Variants in PRRX2 observed in about 807,000 individuals in gnomAD.
PRRX2 encodes paired mesoderm homeobox protein 2.
In PRRX2, 11 loss-of-function variants were observed where a neutral mutation model predicts 18.0. The ratio of observed to expected loss-of-function variants is 0.61; its 90% CI spans 0.39 to 1.01. The LOEUF is 1.01. Ranked by LOEUF, PRRX2 falls within the 50% of genes least tolerant of loss-of-function variation. The pLI is 0.01. For synonymous variants in PRRX2, 177 were observed against 154.8 expected, an observed-to-expected ratio of 1.14 and a Z score of -1.06; for missense variants, 387 against 351.0, an observed-to-expected ratio of 1.10 and a Z score of -0.82.
In PRRX2 at chr9:129,722,505, C is replaced by T; in HGVS notation, c.*153C>T. ...GCCCACGAGGCTGTTGAGGCCCCTG[C>T]AGCCGGGCCCAGCTCTTCTGTCCTT... On this transcript the variant is annotated 3_prime_UTR_variant, in exon 4 of 4. Transcript: ENST00000372469. 1.3e-6 allele frequency: 1 copy of T among 772,876 alleles called. No homozygotes were observed. The highest frequency in any genetic ancestry group is 1.8e-5 in the African/African-American group (1 of 55,112). 47.9% of individuals were successfully genotyped at this position (772,876 alleles called of 1,614,324 possible).
chr9:129,705,479 C>A (rs62584062), intron 1 of PRRX2, among the ~76,000 whole-genome samples: 2 of 152,120 alleles, frequency 1.3e-5, no homozygotes, highest in Admixed American at 6.5e-5. Context: ...CTCAGCCTCC[C>A]GGGTAGCTGG....
chr9:129,717,442 A>G (rs915653765), intron 1 of PRRX2, among the ~76,000 whole-genome samples: 3 of 48,436 alleles, frequency 6.2e-5, no homozygotes, highest in African/African-American at 2.7e-4. Context: ...CACACCTGTA[A>G]TCCCAGCACT....
At position 129,695,170 on chromosome 9, in the gene PRRX2, A is replaced by G. The variant is rs576702219; in HGVS notation, c.260-24061A>G. On this transcript the variant is annotated intron_variant, in intron 1 of 3. Transcript: ENST00000372469. This position sits in a 1 kb window ranked among gnomAD's most constrained non-coding sequence, Gnocchi z 4.8. ...CCTCATGAAGATCCAGGGTCATTCT[A>G]GAAGTTCTAGGAGGATTATTCCCTT... is the stretch of plus-strand genomic sequence containing the variant. Among the ~76,000 whole-genome samples the G allele has an allele frequency of 3.9e-5, 6 of 152,264 alleles. No homozygotes were observed. In the South Asian group the frequency reaches 8.3e-4, roughly 21 times the overall value.
chr9:129,689,005 GGT>G (rs1292958467), intron 1 of PRRX2, among the ~76,000 whole-genome samples: 3 of 152,240 alleles, frequency 2.0e-5, no homozygotes, highest in African/African-American at 7.2e-5. Flanking sequence ...ACAGAAAAGA[GGT>G]GAAGTGTGCA....
rs1444175254 is a variant in PRRX2, at chr9:129,722,209, G to GC, written c.627-3dup. On this transcript the variant is annotated splice_polypyrimidine_tract_variant and splice_region_variant and intron_variant, in intron 3 of 3. Transcript: ENST00000372469. ...ACCCATGTGACCTGTGTCTCATGTC[G>GC]CCCCCAGCACAGTGCCACCCTACAG... 12 of 1,611,322 alleles carry GC rather than the reference G, an allele frequency of 7.4e-6. No homozygotes were observed. Among genetic ancestry groups the GC allele is most frequent in the African/African-American group, 1.3e-5 (1 of 74,922 alleles).
At chr9:129,717,399 A>C (rs1832722693) in intron 1 of PRRX2, among the ~76,000 whole-genome samples, 1 of 151,918 alleles carries the variant, frequency 6.6e-6, no homozygotes, top group East Asian at 1.9e-4. Context: ...GTAATCTTAG[A>C]AAATGTGGGC....
At chr9:129,717,809 T>TA (rs1832732621) in intron 1 of PRRX2, among the ~76,000 whole-genome samples, 2 of 152,156 alleles carry the variant, frequency 1.3e-5, no homozygotes, top group African/African-American at 4.8e-5. Context: ...TTGAATCTGT[T>TA]ACTGTGACAA....
chr9:129,721,728 C>G (rs528276588), intron 3 of PRRX2, among the ~76,000 whole-genome samples: 1 of 152,134 alleles, frequency 6.6e-6, no homozygotes, highest in East Asian at 1.9e-4. Context: ...TACAAACGCC[C>G]GTCACCACGC....
chr9:129,715,547 C>T lies in PRRX2; in HGVS notation c.260-3684C>T, dbSNP rs1203688743. ...TCGAGGCTGCAGTGTGTTACGATTG[C>T]GCCACTGCACTCCAGCTTGGGCAAC... On this transcript the variant is annotated intron_variant, in intron 1 of 3. Transcript: ENST00000372469. The surrounding 1 kb of genome is among the most constrained non-coding windows in gnomAD (Gnocchi z 4.0). 1.4e-4 allele frequency among the ~76,000 whole-genome samples: 21 copies of T among 151,990 alleles called. No individual in the cohort carries two copies. Among genetic ancestry groups the T allele is most frequent in the African/African-American group, 2.2e-4 (9 of 41,382 alleles).
chr9:129,721,872 C>T (rs566266018), intron 3 of PRRX2, among the ~76,000 whole-genome samples: 3 of 152,106 alleles, frequency 2.0e-5, no homozygotes, highest in Middle Eastern at 3.4e-3. Context: ...TGAGCCACCA[C>T]GCTTGGCCCC....
In PRRX2 at chr9:129,722,421, G is replaced by A. The variant is rs1832806189; in HGVS notation, c.*69G>A. 1.3e-6 allele frequency: 2 copies of A among 1,560,334 alleles called. No homozygotes were observed. Among genetic ancestry groups the A allele is most frequent in the Admixed American group, 1.8e-5 (1 of 54,452 alleles). ...CAATAGAAAAGGGGGCAGACGCCCA[G>A]GAAGTGACCTTCTCCTGGATGAGCT... On this transcript the variant is annotated 3_prime_UTR_variant, in exon 4 of 4. Coordinates refer to ENST00000372469, the MANE Select transcript of PRRX2 (RefSeq NM_016307.4).
chr9:129,678,395 C>T (rs79640675), intron 1 of PRRX2, among the ~76,000 whole-genome samples: 2,402 of 152,304 alleles, frequency 0.016, 61 homozygotes, highest in African/African-American at 0.054. Flanking sequence ...TGGCCAGGCA[C>T]AGGGGCCCCT....
chr9:129,670,193 A>G (rs78566824), intron 1 of PRRX2, among the ~76,000 whole-genome samples: 2,160 of 151,390 alleles, frequency 0.014, 57 homozygotes, highest in African/African-American at 0.05. Context: ...GCCGAATCAC[A>G]TTCCACTGTA....
chr9:129,720,674 A>G lies in PRRX2; in HGVS notation c.526A>G (p.Lys176Glu). 1 of 1,613,492 alleles carries G rather than the reference A, an allele frequency of 6.2e-7. No homozygotes were observed. Among genetic ancestry groups the G allele is most frequent in the Non-Finnish European group, 8.5e-7 (1 of 1,179,846 alleles). The change falls in exon 3 of 4, where the codon AAG (lysine) becomes GAG (glutamate). Residue 176 changes from lysine to glutamate, a missense_variant. Transcript: ENST00000372469. ...GGCCAGCCGCTCTGCCTCGCTGCTC[A>G]AGTCCTACAGCCAGGAGGCCGCCAT... Reference protein sequence around the residue: ...MLASRSASLLKSYSQEAAIEQ... With the variant: ...MLASRSASLLESYSQEAAIEQ...
intron 1 of PRRX2, among the ~76,000 whole-genome samples, chr9:129,718,928 C>A (rs994415984): frequency 1.3e-5 from 2 of 152,116 alleles, no homozygotes; most frequent in Non-Finnish European, 2.9e-5. Context: ...AGGGCTCTTG[C>A]CGTGGTCCCA....
chr9:129,675,471 C>G lies in PRRX2; in HGVS notation c.259+9345C>G, dbSNP rs1301003816. ...GAGCTGGAGCCACTGGACAAGCCCC[C>G]TCCTGGCATCCTGCCGGCACCTCCT... On this transcript the variant is annotated intron_variant, in intron 1 of 3. Transcript: ENST00000372469. The surrounding 1 kb of genome is among the most constrained non-coding windows in gnomAD (Gnocchi z 4.4). Among the ~76,000 whole-genome samples, 1 of 152,116 alleles carries G rather than the reference C, an allele frequency of 6.6e-6. No homozygotes were observed. The highest frequency in any genetic ancestry group is 1.9e-4 in the East Asian group (1 of 5,176).
rs578160314 is a variant in PRRX2, at chr9:129,688,070, A to AT, written c.259+21950dup. Among the ~76,000 whole-genome samples, 382 of 151,248 alleles carry AT rather than the reference A, an allele frequency of 2.5e-3. 2 individuals carry two copies. The highest frequency in any genetic ancestry group is 3.8e-3 in the Non-Finnish European group (259 of 67,832). ...ACCACCACGCCTGGCTAACTTTTAT[A>AT]TTTTTTGTAGAGATGGGGGTCTCAC... On this transcript the variant is annotated intron_variant, in intron 1 of 3. Coordinates refer to ENST00000372469, the MANE Select transcript of PRRX2 (RefSeq NM_016307.4).
At position 129,721,539 on chromosome 9, in the gene PRRX2, A is replaced by T. The variant is rs80318882; in HGVS notation, c.627-678A>T. ...GCCCTCCTAACTTCCCTCCCTATTC[A>T]TCGTTACAGGGGGCAGGAAAACCAA... On this transcript the variant is annotated intron_variant, in intron 3 of 3. Transcript: ENST00000372469. Among the ~76,000 whole-genome samples, 847 of 151,902 alleles carry T rather than the reference A, an allele frequency of 5.6e-3. 8 individuals carry two copies. The highest frequency in any genetic ancestry group is 0.019 in the African/African-American group (805 of 41,426).
chr9:129,683,706 G>C (rs1832261919), intron 1 of PRRX2, among the ~76,000 whole-genome samples: 1 of 152,058 alleles, frequency 6.6e-6, no homozygotes, highest in African/African-American at 2.4e-5. Context: ...CTGCACTCCA[G>C]CATGGGCGAC....
Sources: gnomAD v4.1 joint callset for allele counts (sites outside exome capture counted in the v4.1 genomes callset) on GRCh38, gnomAD v4.1.1 for gene constraint, Gnocchi (gnomAD v3.1) non-coding constraint, MANE v1.5 for transcripts, NCBI Gene and HGNC (gene_info 2026-07-23, HGNC 2026-07-21) for gene names.